CWC27: variants seen among roughly 807,000 people sequenced by gnomAD.
The protein encoded by CWC27 is CWC27 spliceosome associated cyclophilin, also known as spliceosome-associated protein CWC27 homolog.
A neutral mutation model predicts 63.6 loss-of-function variants in CWC27; 47 were observed. The observed-to-expected ratio is 0.74, with a 90% CI of 0.58 to 0.94. The LOEUF is 0.94. CWC27 is among the 40% of genes least tolerant of loss of function. CWC27 has a pLI of 0.00. For synonymous variants in CWC27, 175 were observed against 179.8 expected, an observed-to-expected ratio of 0.97 and a Z score of 0.22; for missense variants, 495 against 554.3, an observed-to-expected ratio of 0.89 and a Z score of 1.07.
chr5:64,975,611 C>A (rs1749215564), intron 12 of CWC27, among the ~76,000 whole-genome samples: 1 of 152,086 alleles, frequency 6.6e-6, no homozygotes. Context: ...CCACTTGCTT[C>A]TTCCTGCCCA....
chr5:64,833,549 C>T (rs1223830208), intron 10 of CWC27, among the ~76,000 whole-genome samples: 1 of 151,708 alleles, frequency 6.6e-6, no homozygotes, highest in Non-Finnish European at 1.5e-5. Context: ...TAAGTGATGG[C>T]ACAACTTGGT....
intron 13 of CWC27, among the ~76,000 whole-genome samples, chr5:64,982,502 T>C (rs530827774): frequency 7.6e-4 from 116 of 152,030 alleles, no homozygotes; most frequent in Non-Finnish European, 1.5e-3. Context: ...TTTTTTTTTT[T>C]TAAGATAGCA....
chr5:64,829,523 G>A (rs1435825716), intron 10 of CWC27, among the ~76,000 whole-genome samples: 1 of 151,874 alleles, frequency 6.6e-6, no homozygotes, highest in Non-Finnish European at 1.5e-5. Context: ...AAAATACATG[G>A]AATACCGTTA....
intron 13 of CWC27, among the ~76,000 whole-genome samples, chr5:65,002,774 A>T (rs1749755580): frequency 6.6e-6 from 1 of 152,144 alleles, no homozygotes; most frequent in African/African-American, 2.4e-5. Context: ...CTGTTGGATG[A>T]AATGTGCTGT....
chr5:64,873,575 A>G (rs1383954476), intron 10 of CWC27, among the ~76,000 whole-genome samples: 3 of 151,886 alleles, frequency 2.0e-5, no homozygotes, highest in Non-Finnish European at 4.4e-5. Context: ...TATTTTCTGG[A>G]TATTAGCTCC....
chr5:64,960,620 T>C (rs1748889429), intron 11 of CWC27, among the ~76,000 whole-genome samples: 1 of 152,202 alleles, frequency 6.6e-6, no homozygotes, highest in African/African-American at 2.4e-5. Context: ...ATTTTTTATA[T>C]CCATCAAGTC....
At chr5:65,005,497 C>T (rs1749825918) in intron 13 of CWC27, among the ~76,000 whole-genome samples, 1 of 151,466 alleles carries the variant, frequency 6.6e-6, no homozygotes, top group Non-Finnish European at 1.5e-5. Flanking sequence ...GTGCCCATAG[C>T]AATGGGCAGG....
intron 9 of CWC27, 28 bp downstream of exon 9, chr5:64,801,360 G>C (rs751205685): frequency 4.6e-6 from 6 of 1,306,488 alleles, no homozygotes; most frequent in South Asian, 1.6e-5. Flanking sequence ...TATTAATATA[G>C]TTTGAACAAT....
At chr5:64,876,650 T>A (rs1236122227) in intron 10 of CWC27, among the ~76,000 whole-genome samples, 3 of 152,120 alleles carry the variant, frequency 2.0e-5, no homozygotes, top group Non-Finnish European at 4.4e-5. Context: ...TCATCAATTT[T>A]TTAAATGTGA....
Position 64,989,026 on chromosome 5 carries a change from G to T in CWC27, c.1256+11788G>T, listed in dbSNP as rs558811059. 7.8e-4 allele frequency among the ~76,000 whole-genome samples: 118 copies of T among 152,086 alleles called. 1 individual carries two copies. Among genetic ancestry groups the T allele is most frequent in the African/African-American group, 2.6e-3 (106 of 41,488 alleles). On this transcript the variant is annotated intron_variant, in intron 13 of 13. Transcript: ENST00000381070. The stretch of plus-strand genomic sequence containing the variant: ...AGTCTCCTCAATACCTTCTATTGTC[G>T]TGGGCCTCCCCTTTTCTTCCTCCAG...
At chr5:64,984,811 T>C (rs750675919) in intron 13 of CWC27, among the ~76,000 whole-genome samples, 2 of 152,194 alleles carry the variant, frequency 1.3e-5, no homozygotes, top group African/African-American at 2.4e-5. Context: ...AGTTGATTGA[T>C]TTATTTCCTT....
At chr5:64,800,175 T>C (rs1176657186) in intron 7 of CWC27, 73 bp from the exon 8 acceptor site, 1 of 1,053,798 alleles carries the variant, frequency 9.5e-7, no homozygotes, top group Non-Finnish European at 1.4e-6. Flanking sequence ...AGGTTTTATG[T>C]AAATTTGTTA....
intron 10 of CWC27, among the ~76,000 whole-genome samples, chr5:64,867,924 A>C (rs1746568856): frequency 7.6e-6 from 1 of 131,380 alleles, no homozygotes; most frequent in South Asian, 2.6e-4. Context: ...TTTGTTGTCA[A>C]TCTTTGTTGT....
intron 10 of CWC27, among the ~76,000 whole-genome samples, chr5:64,848,065 A>G (rs562913470): frequency 7.9e-5 from 12 of 152,262 alleles, no homozygotes; most frequent in African/African-American, 2.6e-4. Context: ...AATACAAAAC[A>G]TTAACAAAAT....
At chr5:64,874,513 A>G (rs1161901610) in intron 10 of CWC27, among the ~76,000 whole-genome samples, 1 of 149,656 alleles carries the variant, frequency 6.7e-6, no homozygotes, top group Non-Finnish European at 1.5e-5. Context: ...GTCACCCAGG[A>G]TGGAGTGCAG....
chr5:64,947,154 A>C (rs993980064), intron 11 of CWC27, among the ~76,000 whole-genome samples: 1 of 152,156 alleles, frequency 6.6e-6, no homozygotes, highest in African/African-American at 2.4e-5. Context: ...CTTCCTAAAA[A>C]GGAAACATTC....
intron 10 of CWC27, chr5:64,807,706 G>C: frequency 6.5e-7 from 1 of 1,535,916 alleles, no homozygotes; most frequent in Non-Finnish European, 8.7e-7. Flanking sequence ...AGCCTCAGCT[G>C]TGTCTCCAGT....
intron 3 of CWC27, 69 bp downstream of exon 3, chr5:64,782,102 C>A (rs1190792766): frequency 5.0e-6 from 4 of 803,022 alleles, no homozygotes; most frequent in Non-Finnish European, 3.8e-6. Flanking sequence ...GTTTGGATTG[C>A]TTAATCGAAA....
chr5:64,932,355 G>A (rs1414031966), intron 11 of CWC27, among the ~76,000 whole-genome samples: 1 of 151,548 alleles, frequency 6.6e-6, no homozygotes, highest in Admixed American at 6.6e-5. Context: ...ATGGCCAATA[G>A]GACTTTTTTT....
Sources: allele counts gnomAD v4.1 joint callset (sites outside exome capture counted in the v4.1 genomes callset), GRCh38; gene constraint gnomAD v4.1.1; transcripts MANE v1.5; gene names NCBI Gene and HGNC (gene_info 2026-07-23, HGNC 2026-07-21).